Variants in MYLK observed in about 807,000 individuals in gnomAD.
MYLK encodes myosin light chain kinase.
MYLK carries 106 observed loss-of-function variants against 203.4 expected under a neutral mutation model. That is an observed-to-expected ratio of 0.52 (90% CI 0.45 to 0.61). The LOEUF is 0.61. MYLK is among the 20% of genes least tolerant of loss of function. MYLK has a pLI of 0.00. For synonymous variants in MYLK, 867 were observed against 959.5 expected (o/e 0.90, Z 1.78); for missense variants, 2,072 against 2,442.3 (o/e 0.85, Z 3.20).
chr3:123,767,046 GA>G (rs1318339433), intron 4 of MYLK, among the ~76,000 whole-genome samples: 1 of 152,160 alleles, frequency 6.6e-6, no homozygotes, highest in Non-Finnish European at 1.5e-5. Context: ...GAAGCATCTG[GA>G]AAAATGGAGG....
chr3:123,634,310 G>A (rs989525195), intron 29 of MYLK, among the ~76,000 whole-genome samples: 1 of 152,240 alleles, frequency 6.6e-6, no homozygotes, highest in Admixed American at 6.5e-5. Flanking sequence ...GCAGCAGAGA[G>A]GGCAGCGGCA....
At chr3:123,716,120 T>C (rs556846442) in intron 13 of MYLK, 1 of 152,308 alleles carries the variant, frequency 6.6e-6, no homozygotes, top group Non-Finnish European at 1.5e-5. Flanking sequence ...TCTTTCTTTA[T>C]TTGGAGTTCA....
chr3:123,840,491 T>A (rs575442893), intron 2 of MYLK, among the ~76,000 whole-genome samples: 48 of 150,928 alleles, frequency 3.2e-4, no homozygotes, highest in Non-Finnish European at 5.8e-4. Context: ...AATACAAAAA[T>A]TCACTGAAAG....
chr3:123,800,310 A>C (rs1577016246), intron 3 of MYLK: 2 of 152,202 alleles, frequency 1.3e-5, no homozygotes, highest in Admixed American at 6.5e-5. Context: ...TCTGGCCTGG[A>C]ACACCACTCC....
chr3:123,773,857 C>G (rs2063968430), intron 4 of MYLK, among the ~76,000 whole-genome samples: 1 of 152,230 alleles, frequency 6.6e-6, no homozygotes, highest in South Asian at 2.1e-4. Flanking sequence ...ACTCATCCTG[C>G]AAGAACTCAA....
At position 123,613,235 on chromosome 3, in the gene MYLK, C is replaced by G. The variant is rs1386808867; in HGVS notation, c.*870G>C. ...GACTAACTTTTCAGCAAACTGATTT[C>G]TCCTATATTCAAACACAAAAATCTT... On this transcript the variant is annotated 3_prime_UTR_variant, in exon 34 of 34. Transcript: ENST00000360304. 2 of 152,190 alleles carry G rather than the reference C, an allele frequency of 1.3e-5. No individual in the cohort carries two copies. Among genetic ancestry groups the G allele is most frequent in the African/African-American group, 2.4e-5 (1 of 41,450 alleles). The allele number at this position is 152,190 out of a possible 1,614,324, so 9.4% of individuals were successfully genotyped here.
chr3:123,708,078 G>A (rs2061532538), intron 15 of MYLK, 75 bp from the exon 16 acceptor site: 2 of 1,591,170 alleles, frequency 1.3e-6, no homozygotes, highest in Admixed American at 1.7e-5. Flanking sequence ...CTCCATGGAG[G>A]TGAAGGATGG....
chr3:123,811,161 T>C (rs899549788), intron 3 of MYLK, among the ~76,000 whole-genome samples: 8 of 152,272 alleles, frequency 5.3e-5, no homozygotes, highest in African/African-American at 1.4e-4. Context: ...AGGTGTCAGC[T>C]CAGCTGGTTT....
At chr3:123,804,646 G>C (rs2065307741) in intron 3 of MYLK, among the ~76,000 whole-genome samples, 1 of 152,084 alleles carries the variant, frequency 6.6e-6, no homozygotes, top group African/African-American at 2.4e-5. Flanking sequence ...TGATCTTAAG[G>C]GACAAGCCCA....
At chr3:123,748,059 T>C (rs922614549) in intron 5 of MYLK, among the ~76,000 whole-genome samples, 3 of 152,224 alleles carry the variant, frequency 2.0e-5, no homozygotes, top group Non-Finnish European at 4.4e-5. Context: ...ATTTGGCTTG[T>C]GGTTCTGCAG....
At chr3:123,719,253 C>G (rs546701516) in intron 13 of MYLK, among the ~76,000 whole-genome samples, 9 of 152,260 alleles carry the variant, frequency 5.9e-5, no homozygotes, top group African/African-American at 2.2e-4. Flanking sequence ...CTCAACCACC[C>G]CCGAGAGAAG....
chr3:123,765,847 T>C (rs903569928), intron 4 of MYLK, among the ~76,000 whole-genome samples: 3 of 152,200 alleles, frequency 2.0e-5, no homozygotes, highest in Admixed American at 1.3e-4. Flanking sequence ...ATTCCACTTA[T>C]GTGAGGTACC....
chr3:123,841,383 T>C (rs1309705170), intron 2 of MYLK, among the ~76,000 whole-genome samples: 1 of 152,200 alleles, frequency 6.6e-6, no homozygotes, highest in Admixed American at 6.5e-5. Context: ...TCATATTGCC[T>C]ATCTTTACAT....
intron 4 of MYLK, among the ~76,000 whole-genome samples, chr3:123,760,439 A>C (rs1277495380): frequency 6.6e-6 from 1 of 152,222 alleles, no homozygotes; most frequent in Non-Finnish European, 1.5e-5. Flanking sequence ...CGGCCTCCCA[A>C]AGTGCTGGGA....
chr3:123,680,999 C>A (rs945531274), intron 20 of MYLK: 1 of 132,654 alleles, frequency 7.5e-6, no homozygotes, highest in Admixed American at 7.7e-5. Flanking sequence ...GCCTTTATAG[C>A]CCCCTCCTCC....
chr3:123,665,479 C>A (rs890553702), intron 22 of MYLK, among the ~76,000 whole-genome samples: 4 of 152,174 alleles, frequency 2.6e-5, no homozygotes, highest in African/African-American at 9.7e-5. Flanking sequence ...GTGTTCATCT[C>A]TGGGGCTAGG....
chr3:123,687,945 G>A (rs2060522171), intron 19 of MYLK, among the ~76,000 whole-genome samples: 1 of 152,148 alleles, frequency 6.6e-6, no homozygotes, highest in African/African-American at 2.4e-5. Flanking sequence ...TATTACAGGT[G>A]TGAGCCACCA....
intron 16 of MYLK, among the ~76,000 whole-genome samples, chr3:123,707,055 C>T (rs2061487298): frequency 6.6e-6 from 1 of 152,182 alleles, no homozygotes; most frequent in Non-Finnish European, 1.5e-5. Flanking sequence ...CAAGCTCTGA[C>T]CTGGGCTCCC....
intron 27 of MYLK, among the ~76,000 whole-genome samples, chr3:123,641,867 G>A (rs1044776694): frequency 1.6e-5 from 2 of 128,436 alleles, no homozygotes; most frequent in African/African-American, 2.9e-5. Flanking sequence ...CCTTTCTTTC[G>A]CTTTTGAGAC....
Sources: gnomAD v4.1 joint callset for allele counts (sites outside exome capture counted in the v4.1 genomes callset) on GRCh38, gnomAD v4.1.1 for gene constraint, MANE v1.5 for transcripts, NCBI Gene and HGNC (gene_info 2026-07-23, HGNC 2026-07-21) for gene names.